Variants in BOD1L1 observed in about 807,000 individuals in gnomAD.
BOD1L1 encodes the protein biorientation of chromosomes in cell division protein 1-like 1.
BOD1L1 carries 86 observed loss-of-function variants against 240.7 expected under a neutral mutation model. The ratio of observed to expected loss-of-function variants is 0.36; its 90% CI spans 0.30 to 0.43. The LOEUF (loss-of-function observed/expected upper bound fraction) is 0.43. Among genes scored for constraint, BOD1L1 ranks in the 20% least tolerant of loss-of-function variants. The pLI is 1.00. For synonymous variants in BOD1L1, 1,268 were observed against 1,272.3 expected (o/e 1.00, Z 0.07); for missense variants, 3,554 against 3,643.5 (o/e 0.98, Z 0.63).
In BOD1L1 at chr4:13,603,877, G is replaced by A. The variant is rs754855348; in HGVS notation, c.3023C>T (p.Thr1008Ile). ...CAACTTTCTCTCAAGCCTGGTGGAA[G>A]TGGAGTCTTTATCACTCTTATATTT... ...KEKYKSDKDS[T>I]STRLERKLSD... is the part of the protein sequence containing the mutation. Residue 1008 changes from threonine to isoleucine, a missense_variant, in exon 10 of 26, where the codon ACT becomes ATT. Physicochemically the swap from Thr to Ile is moderately conservative, Grantham distance 89 (BLOSUM62 -1). This residue lies in a region of BOD1L1 where 3,393 missense variants were observed against 3,427.1 expected (regional missense o/e 0.99). Coordinates refer to ENST00000040738, the MANE Select transcript of BOD1L1 (RefSeq NM_148894.3). 5.0e-6 allele frequency: 8 copies of A among 1,613,598 alleles called. No homozygotes were observed. The African/African-American group carries it at 6.7e-5, about 13-fold the overall frequency.
rs1268505076 is a variant in BOD1L1, at chr4:13,601,389, T to C, written c.5511A>G (p.Glu1837=). 2 of 1,614,076 alleles carry C rather than the reference T, an allele frequency of 1.2e-6. No homozygotes were observed. Among genetic ancestry groups the C allele is most frequent in the Non-Finnish European group, 1.7e-6 (2 of 1,179,910 alleles). ...ESAMDSTVAK[E]GTNVPLVAAG... ...CAGCAACTAATGGTACATTAGTGCC[T>C]TCTTTGGCCACTGTGCTGTCCATTG... is the stretch of plus-strand genomic sequence containing the variant. The change falls in exon 10 of 26, where the codon GAA becomes GAG. Residue 1837 remains glutamate (E), a synonymous_variant. Coordinates refer to ENST00000040738, the MANE Select transcript of BOD1L1 (RefSeq NM_148894.3).
Position 13,615,309 on chromosome 4 carries a change from C to T in BOD1L1, c.559+3G>A, listed in dbSNP as rs1716500571. The T allele has an allele frequency of 6.2e-6, 10 of 1,600,968 alleles. No homozygotes were observed. Among genetic ancestry groups the T allele is most frequent in the Non-Finnish European group, 7.7e-6 (9 of 1,173,010 alleles). ...GAACTGACCAAGAGTAAAAGCAAAG[C>T]ACCTTGTGTAATAAGGGAAGTGTCT... On this transcript the variant is annotated splice_donor_region_variant and intron_variant, in intron 3 of 25. Transcript: ENST00000040738.
intron 11 of BOD1L1, 26 bp from the exon 12 acceptor site, chr4:13,595,970 A>G: frequency 6.2e-7 from 1 of 1,600,962 alleles, no homozygotes; most frequent in Non-Finnish European, 8.5e-7. Flanking sequence ...CACCATAAAA[A>G]TAAGTTAACC....
intron 1 of BOD1L1, chr4:13,625,879 A>AG (rs1377228669): frequency 6.6e-6 from 1 of 152,210 alleles, no homozygotes; most frequent in Non-Finnish European, 1.5e-5. Context: ...CGTTTTACAT[A>AG]GTGGGCCCAG....
Position 13,627,335 on chromosome 4 carries a change from C to T in BOD1L1, c.243+10G>A, listed in dbSNP as rs1717474196. On this transcript the variant is annotated intron_variant, in intron 1 of 25. Transcript: ENST00000040738. ...CCCTCGCAGACCCCCAAACCCGGCG[C>T]GCTCCTAACCTTGGTGTCCACGTCG... The T allele has an allele frequency of 7.7e-7, 1 of 1,296,766 alleles. No individual in the cohort carries two copies. The highest frequency in any genetic ancestry group is 9.9e-7 in the Non-Finnish European group (1 of 1,010,874). The allele number at this position is 1,296,766 out of a possible 1,614,324, so 80.3% of individuals were successfully genotyped here.
chr4:13,627,468 C>T lies in BOD1L1; in HGVS notation c.120G>A (p.Gly40=). The change falls in exon 1 of 26, where the codon GGG becomes GGA. Residue 40 remains glycine (G), a synonymous_variant. Transcript: ENST00000040738. ...CGGCGCCCGCACCCGCGCCGCCCGC[C>T]CCGCCCGCGCCGGGGCCAGCCCCGG... is the stretch of plus-strand genomic sequence containing the variant. ...PGPGAGPGAG[G]AGGAGAGAGD... is the part of the protein sequence containing the mutation. 9.4e-7 allele frequency: 1 copy of T among 1,060,180 alleles called. No individual in the cohort carries two copies. The highest frequency in any genetic ancestry group is 1.7e-5 in the African/African-American group (1 of 58,210). 65.7% of individuals were successfully genotyped at this position (1,060,180 alleles called of 1,614,324 possible).
intron 2 of BOD1L1, among the ~76,000 whole-genome samples, chr4:13,616,448 C>G (rs1210219655): frequency 3.9e-5 from 6 of 152,170 alleles, no homozygotes; most frequent in Non-Finnish European, 7.3e-5. Flanking sequence ...ATGAGGACAA[C>G]AATCTGTGAA....
rs199950688 is a variant in BOD1L1, at chr4:13,600,142, C to G, written c.6758G>C (p.Ser2253Thr). 3 of 1,614,006 alleles carry G rather than the reference C, an allele frequency of 1.9e-6. No homozygotes were observed. The highest frequency in any genetic ancestry group is 1.7e-5 in the Admixed American group (1 of 60,028). ...CACCGAGCTCGTAGAGATGATGCCA[C>G]TCCCGTCTTTTTCTTCCATGACTGT... ...AGTVMEEKDGSGIISTSSVED... is the reference protein window; with the variant it reads ...AGTVMEEKDGTGIISTSSVED... Residue 2253 changes from serine (S) to threonine (T), a missense_variant, in exon 10 of 26, where the codon AGT (serine) becomes ACT (threonine). Ser to Thr is a moderately conservative substitution (Grantham distance 58). Transcript: ENST00000040738.
rs150957183 is a variant in BOD1L1 at position 13,596,592 on chromosome 4, A to AG, written c.8019+511_8019+512insC. 3.5e-4 allele frequency among the ~76,000 whole-genome samples: 53 copies of AG among 151,830 alleles called. No homozygotes were observed. In the East Asian group the frequency reaches 8.5e-3, roughly 24 times the overall value. On this transcript the variant is annotated intron_variant, in intron 11 of 25. Transcript: ENST00000040738. Reference sequence around the variant, plus strand: ...AAGCACCAAAGCCATGCTTAAAAAAAAAAAAGCAGATTTTATTCTAAGCAT... The same window carrying AG: ...AAGCACCAAAGCCATGCTTAAAAAAAGAAAAAGCAGATTTTATTCTAAGCAT...
intron 1 of BOD1L1, chr4:13,624,357 G>T (rs1398984401): frequency 6.6e-6 from 1 of 152,178 alleles, no homozygotes; most frequent in Non-Finnish European, 1.5e-5. Flanking sequence ...AGAAATATTA[G>T]AAATTTTCAT....
Position 13,604,231 on chromosome 4 carries a change from T to A in BOD1L1, c.2669A>T (p.Glu890Val), listed in dbSNP as rs763600996. 2.7e-5 allele frequency: 44 copies of A among 1,613,592 alleles called. No homozygotes were observed. The highest frequency in any genetic ancestry group is 3.6e-5 in the Non-Finnish European group (43 of 1,179,826). ...TCGTTTCTCCTTGTGAACAACCTCT[T>A]CTGGTTTCAAATTACTATCCATGTT... Reference protein sequence around the residue: ...STNMDSNLKPEEVVHKEKRRT... With the variant: ...STNMDSNLKPVEVVHKEKRRT... The change falls in exon 10 of 26, where the codon GAA becomes GTA. Residue 890 changes from glutamate (E) to valine (V), a missense_variant. By Grantham distance (121) the Glu-to-Val change is moderately radical. Coordinates refer to ENST00000040738, the MANE Select transcript of BOD1L1 (RefSeq NM_148894.3).
At chr4:13,581,355 G>A (rs1190717374) in intron 19 of BOD1L1, 148 bp from the exon 20 acceptor site, 6 of 595,958 alleles carry the variant, frequency 1.0e-5, no homozygotes, top group African/African-American at 1.9e-5. Context: ...GTGATGTAGG[G>A]CTTAGTGTTT....
rs1318365463 is a variant in BOD1L1, at chr4:13,604,306, T to C, written c.2594A>G (p.Gln865Arg). 1 of 1,600,838 alleles carries C rather than the reference T, an allele frequency of 6.2e-7. No homozygotes were observed. Among genetic ancestry groups the C allele is most frequent in the Non-Finnish European group, 8.5e-7 (1 of 1,176,420 alleles). ...LGSKQHGITLQRRSESYSEDK... is the reference protein window; with the variant it reads ...LGSKQHGITLRRRSESYSEDK... ...TTCCGAATAACTTTCACTTCTTCTCTGTAATGTGATACCATGTTGCTTGGA... is the reference window on the plus strand; with the variant it reads ...TTCCGAATAACTTTCACTTCTTCTCCGTAATGTGATACCATGTTGCTTGGA... Residue 865 changes from glutamine to arginine, a missense_variant, in exon 10 of 26, where the codon CAG becomes CGG. Physicochemically the swap from Gln to Arg is conservative, Grantham distance 43. Transcript: ENST00000040738.
chr4:13,582,305 A>G lies in BOD1L1; in HGVS notation c.8524T>C (p.Tyr2842His). Residue 2842 changes from tyrosine (Y) to histidine (H), a missense_variant, in exon 19 of 26, where the codon TAT becomes CAT. Around this residue, in one of 2 missense-constraint regions of BOD1L1, gnomAD observed 3,393 missense variants for 3,427.1 expected, o/e 0.99. Transcript: ENST00000040738. ...TCACCAGTAGTTTCACTGCTGCTATATTCATCTGTAGAAAAGGAAGAACTT... is the reference window on the plus strand; with the variant it reads ...TCACCAGTAGTTTCACTGCTGCTATGTTCATCTGTAGAAAAGGAAGAACTT... ...TSRVMEEKDEYSSSETTGEKP... is the reference protein window; with the variant it reads ...TSRVMEEKDEHSSSETTGEKP... 1.2e-6 allele frequency: 2 copies of G among 1,612,716 alleles called. No homozygotes were observed. Among genetic ancestry groups the G allele is most frequent in the Non-Finnish European group, 1.7e-6 (2 of 1,179,258 alleles).
At chr4:13,612,726 G>A (rs569018358) in intron 5 of BOD1L1, among the ~76,000 whole-genome samples, 11 of 152,260 alleles carry the variant, frequency 7.2e-5, no homozygotes, top group South Asian at 2.1e-4. Context: ...TTCAGAGTGC[G>A]AAGGCTCTTG....
At position 13,600,803 on chromosome 4, in the gene BOD1L1, C is replaced by T; in HGVS notation, c.6097G>A (p.Asp2033Asn). 1 of 1,613,862 alleles carries T rather than the reference C, an allele frequency of 6.2e-7. No individual in the cohort carries two copies. The highest frequency in any genetic ancestry group is 8.5e-7 in the Non-Finnish European group (1 of 1,179,850). Residue 2033 changes from aspartate (D) to asparagine (N), a missense_variant, in exon 10 of 26, where the codon GAC becomes AAC. Coordinates refer to ENST00000040738, the MANE Select transcript of BOD1L1 (RefSeq NM_148894.3). ...TCATTTTCTACAGAGGTGATGATGT[C>T]CTCATCTTCTTTTTCACTTGGTGAT... Reference protein sequence around the residue: ...HTSPSEKEDEDIITSVENEEC... With the variant: ...HTSPSEKEDENIITSVENEEC...
At position 13,600,910 on chromosome 4, in the gene BOD1L1, G is replaced by A. The variant is rs1184807965; in HGVS notation, c.5990C>T (p.Thr1997Ile). ...SDSQLEKVED[T>I]TISTGLVGGS... ...CCCGACCAGGCCAGTGGAAATAGTG[G>A]TATCTTCAACTTTTTCGAGCTGACT... The change falls in exon 10 of 26, where the codon ACC becomes ATC. Residue 1997 changes from threonine to isoleucine, a missense_variant. Thr to Ile is a moderately conservative substitution (Grantham distance 89, BLOSUM62 -1). This residue lies in a region of BOD1L1 where 3,393 missense variants were observed against 3,427.1 expected (regional missense o/e 0.99). Coordinates refer to ENST00000040738, the MANE Select transcript of BOD1L1 (RefSeq NM_148894.3). 1.2e-6 allele frequency: 2 copies of A among 1,613,892 alleles called. No homozygotes were observed. Among genetic ancestry groups the A allele is most frequent in the Non-Finnish European group, 1.7e-6 (2 of 1,179,878 alleles).
intron 1 of BOD1L1, among the ~76,000 whole-genome samples, chr4:13,620,378 T>C (rs1215372626): frequency 1.3e-5 from 2 of 152,184 alleles, no homozygotes; most frequent in Non-Finnish European, 2.9e-5. Flanking sequence ...ATGCCTTCAC[T>C]GAAAATGTGC....
In BOD1L1 at chr4:13,603,224, T is replaced by C. The variant is rs141405224; in HGVS notation, c.3676A>G (p.Arg1226Gly). ...MNPGEKEPIH[R>G]GTTEVNIDSE... ...TCTATATTCACTTCAGTAGTTCCTC[T>C]ATGAATGGGTTCTTTCTCCCCAGGG... Residue 1226 changes from arginine (R) to glycine (G), a missense_variant, in exon 10 of 26, where the codon AGA (arginine) becomes GGA (glycine). Transcript: ENST00000040738. 15 of 1,614,038 alleles carry C rather than the reference T, an allele frequency of 9.3e-6. No homozygotes were observed. The highest frequency in any genetic ancestry group is 1.3e-5 in the Non-Finnish European group (15 of 1,179,884).
Sources: allele counts gnomAD v4.1 joint callset (sites outside exome capture counted in the v4.1 genomes callset), GRCh38; gene constraint gnomAD v4.1.1; regional missense constraint gnomAD v4.1.1; transcripts MANE v1.5; gene names NCBI Gene and HGNC (gene_info 2026-07-23, HGNC 2026-07-21).